The following ZNF385D variants were observed in gnomAD, a reference collection of about 807,000 sequenced individuals.
ZNF385D encodes the protein zinc finger protein 659.
Under a neutral mutation model 35.8 loss-of-function variants are expected in ZNF385D, and 15 were observed. The ratio of observed to expected loss-of-function variants is 0.42; its 90% CI spans 0.28 to 0.64. The LOEUF (loss-of-function observed/expected upper bound fraction) is 0.64. Ranked by LOEUF, ZNF385D falls within the 30% of genes least tolerant of loss-of-function variation. The pLI is 0.23. For missense variants in ZNF385D, 474 were observed against 494.6 expected (o/e 0.96, Z 0.39); for synonymous variants, 212 against 186.8 (o/e 1.13, Z -1.10).
intron 2 of ZNF385D, among the ~76,000 whole-genome samples, chr3:22,371,012 G>C (rs1246263552): frequency 6.6e-6 from 1 of 152,084 alleles, no homozygotes; most frequent in East Asian, 1.9e-4. Flanking sequence ...CTACATTTTA[G>C]CTCCATGAAG....
At chr3:21,924,255 G>T (rs995660449) in intron 3 of ZNF385D, among the ~76,000 whole-genome samples, 3 of 152,078 alleles carry the variant, frequency 2.0e-5, no homozygotes, top group Non-Finnish European at 4.4e-5. Context: ...ACTCTTAAAG[G>T]TGAAGAGAAG....
At chr3:21,468,331 G>T (rs1575202044) in intron 4 of ZNF385D, among the ~76,000 whole-genome samples, 1 of 144,876 alleles carries the variant, frequency 6.9e-6, no homozygotes, top group Middle Eastern at 4.1e-3. Context: ...GAACCTGGGA[G>T]GCAGAGGTTG....
At chr3:21,746,030 A>G (rs1403232969) in intron 1 of ZNF385D, among the ~76,000 whole-genome samples, 6 of 152,374 alleles carry the variant, frequency 3.9e-5, no homozygotes, top group Non-Finnish European at 5.9e-5. Context: ...GTCTATATAT[A>G]TAACAAGGAA....
chr3:22,350,663 T>C (rs1695873781), intron 2 of ZNF385D, among the ~76,000 whole-genome samples: 1 of 152,046 alleles, frequency 6.6e-6, no homozygotes, highest in Non-Finnish European at 1.5e-5. Flanking sequence ...GTAACAATAC[T>C]CCAAAAGATA....
Position 21,625,477 on chromosome 3 carries a change from A to C in ZNF385D, c.165+39409T>G, listed in dbSNP as rs557851809. Among the ~76,000 whole-genome samples, 479 of 152,158 alleles carry C rather than the reference A, an allele frequency of 3.1e-3. 2 individuals are homozygous for C. The highest frequency in any genetic ancestry group is 0.011 in the African/African-American group (466 of 41,556). On this transcript the variant is annotated intron_variant, in intron 2 of 7. Transcript: ENST00000281523. ...GTCCTCTTAAACAAGAATACTTAGC[A>C]ACATTTTTCTTTTCCTTCACTGATG...
chr3:21,886,768 G>A (rs1698569110), intron 3 of ZNF385D, among the ~76,000 whole-genome samples: 2 of 152,084 alleles, frequency 1.3e-5, no homozygotes, highest in Admixed American at 6.6e-5. Context: ...TACATGATTA[G>A]CATTGACCTC....
chr3:21,520,479 C>G (rs929059642), intron 3 of ZNF385D, among the ~76,000 whole-genome samples: 2 of 152,186 alleles, frequency 1.3e-5, no homozygotes, highest in African/African-American at 4.8e-5. Flanking sequence ...ACTTAATTCT[C>G]TGTCATTCTT....
At chr3:22,124,518 T>G (rs1001863074) in intron 3 of ZNF385D, among the ~76,000 whole-genome samples, 15 of 152,140 alleles carry the variant, frequency 9.9e-5, no homozygotes, top group African/African-American at 3.6e-4. Context: ...TTCTCCATAG[T>G]GGCTGTACTA....
chr3:21,500,587 C>T (rs114952484), intron 4 of ZNF385D, among the ~76,000 whole-genome samples: 3,338 of 152,206 alleles, frequency 0.022, 93 homozygotes, highest in African/African-American at 0.065. Context: ...TGTGCGTTAG[C>T]ATGTGAAGTG....
chr3:21,622,929 A>C (rs1372822199), intron 2 of ZNF385D, among the ~76,000 whole-genome samples: 4 of 152,030 alleles, frequency 2.6e-5, no homozygotes, highest in Non-Finnish European at 4.4e-5. Flanking sequence ...CCCAGATGAA[A>C]AAGAAAATGC....
At chr3:22,043,644 G>A (rs954278094) in intron 3 of ZNF385D, among the ~76,000 whole-genome samples, 1 of 151,728 alleles carries the variant, frequency 6.6e-6, no homozygotes. Context: ...GAGAGGGTAG[G>A]TAACTTCCGA....
At chr3:21,791,547 G>T (rs922411937) in intron 3 of ZNF385D, among the ~76,000 whole-genome samples, 8 of 152,156 alleles carry the variant, frequency 5.3e-5, no homozygotes, top group African/African-American at 1.9e-4. Context: ...GGAGACAAAA[G>T]TCTGAAATTC....
chr3:21,749,408 G>A (rs2069947333), intron 1 of ZNF385D, among the ~76,000 whole-genome samples: 1 of 152,200 alleles, frequency 6.6e-6, no homozygotes, highest in African/African-American at 2.4e-5. Flanking sequence ...ATTGTTTCAA[G>A]AGGGTGAAAA....
intron 2 of ZNF385D, among the ~76,000 whole-genome samples, chr3:22,173,432 G>A (rs1005122499): frequency 2.6e-5 from 4 of 152,228 alleles, no homozygotes; most frequent in East Asian, 1.9e-4. Context: ...TACCAATTTG[G>A]CAACTTTTCT....
intron 3 of ZNF385D, among the ~76,000 whole-genome samples, chr3:21,980,508 T>A (rs1694371311): frequency 1.3e-5 from 2 of 152,212 alleles, no homozygotes; most frequent in African/African-American, 4.8e-5. Context: ...ACTCTTGGAA[T>A]GAACCACATG....
intron 3 of ZNF385D, among the ~76,000 whole-genome samples, chr3:21,953,435 T>A (rs1003797984): frequency 1.3e-5 from 2 of 152,062 alleles, no homozygotes; most frequent in Non-Finnish European, 2.9e-5. Flanking sequence ...ATATTCCTTA[T>A]GCTATATTTG....
intron 5 of ZNF385D, chr3:21,431,095 T>A (rs921489938): frequency 6.6e-6 from 1 of 152,186 alleles, no homozygotes; most frequent in Non-Finnish European, 1.5e-5. Context: ...ATGTATACTT[T>A]CAGAAATTTT....
intron 1 of ZNF385D, among the ~76,000 whole-genome samples, chr3:21,687,533 A>C (rs1309176934): frequency 6.6e-6 from 1 of 152,052 alleles, no homozygotes; most frequent in Non-Finnish European, 1.5e-5. Context: ...CCCCCACCAG[A>C]GTGTTCATTT....
At chr3:21,859,757 A>G (rs1696945702) in intron 3 of ZNF385D, among the ~76,000 whole-genome samples, 1 of 151,316 alleles carries the variant, frequency 6.6e-6, no homozygotes, top group South Asian at 2.1e-4. Context: ...TCCTTATGTT[A>G]ATTATTGAAA....
Sources: allele counts gnomAD v4.1 joint callset (sites outside exome capture counted in the v4.1 genomes callset), GRCh38; gene constraint gnomAD v4.1.1; transcripts MANE v1.5; gene names NCBI Gene and HGNC (gene_info 2026-07-23, HGNC 2026-07-21).